Variants in MAGI2 observed in about 807,000 individuals in gnomAD.
The protein encoded by MAGI2 is membrane associated guanylate kinase, WW and PDZ domain containing 2, also known as membrane-associated guanylate kinase, WW and PDZ domain-containing protein 2.
MAGI2 carries 35 observed loss-of-function variants against 133.3 expected under a neutral mutation model. The observed-to-expected ratio is 0.26, with a 90% CI of 0.20 to 0.35. The LOEUF (loss-of-function observed/expected upper bound fraction) is 0.35. Among genes scored for constraint, MAGI2 ranks in the 10% least tolerant of loss-of-function variants. The pLI is 1.00. For synonymous variants in MAGI2, 729 were observed against 710.6 expected (o/e 1.03, Z -0.41); for missense variants, 1,636 against 1,863.4 (o/e 0.88, Z 2.25).
chr7:78,287,577 CTG>C (rs1263396496), intron 9 of MAGI2, among the ~76,000 whole-genome samples: 6 of 152,068 alleles, frequency 3.9e-5, no homozygotes, highest in Non-Finnish European at 8.8e-5. Context: ...TTTCAAAAAT[CTG>C]TATTCTTGAG....
chr7:78,842,696 C>T (rs1792248134), intron 2 of MAGI2, among the ~76,000 whole-genome samples: 1 of 151,450 alleles, frequency 6.6e-6, no homozygotes, highest in South Asian at 2.1e-4. Context: ...AGAAAAAAAT[C>T]CTATATGCTT....
rs1808135280 is a variant in MAGI2 at position 78,019,744 on chromosome 7, C to G, written c.3939G>C (p.Gln1313His). 3 of 1,611,362 alleles carry G rather than the reference C, an allele frequency of 1.9e-6. No individual in the cohort carries two copies. The stretch of plus-strand genomic sequence containing the variant: ...TCTGCGGACTCGCCGAGCGCTCCCT[C>G]TGCTCCCCGAGGCGCTGCTTCTTCT... Reference protein sequence around the residue: ...CGQKKQRLGEQRERSASPQRA... With the variant: ...CGQKKQRLGEHRERSASPQRA... The change falls in exon 22 of 22, where the codon CAG (glutamine) becomes CAC (histidine). Residue 1313 changes from glutamine to histidine, a missense_variant. Gln to His is a conservative substitution (Grantham distance 24). Around this residue, in one of 5 missense-constraint regions of MAGI2, gnomAD observed 354 missense variants for 298.7 expected, o/e 1.19. Transcript: ENST00000354212.
chr7:79,067,670 C>G (rs1386410137), intron 1 of MAGI2, among the ~76,000 whole-genome samples: 1 of 152,162 alleles, frequency 6.6e-6, no homozygotes, highest in Non-Finnish European at 1.5e-5. Context: ...AGAAGGCATC[C>G]TTGTCTTGTA....
intron 1 of MAGI2, among the ~76,000 whole-genome samples, chr7:79,093,372 G>A (rs1817232649): frequency 6.6e-6 from 1 of 152,024 alleles, no homozygotes; most frequent in Admixed American, 6.6e-5. Flanking sequence ...AGATATTGTG[G>A]GTTCAGATCC....
chr7:78,830,657 C>T (rs1791063706), intron 2 of MAGI2, among the ~76,000 whole-genome samples: 1 of 152,046 alleles, frequency 6.6e-6, no homozygotes, highest in South Asian at 2.1e-4. Flanking sequence ...CAAATAAACA[C>T]ATTACAATGA....
chr7:79,211,414 A>G (rs1829483983), intron 1 of MAGI2, among the ~76,000 whole-genome samples: 1 of 151,516 alleles, frequency 6.6e-6, no homozygotes. Context: ...CGTAGCTGAG[A>G]CTACAGTGCA....
chr7:78,436,538 C>G (rs966933895), intron 6 of MAGI2, among the ~76,000 whole-genome samples: 3 of 152,144 alleles, frequency 2.0e-5, no homozygotes, highest in African/African-American at 7.2e-5. Flanking sequence ...ATGCTCATTG[C>G]TAAGAACAAA....
At chr7:79,136,138 G>A (rs572307383) in intron 1 of MAGI2, among the ~76,000 whole-genome samples, 2 of 148,918 alleles carry the variant, frequency 1.3e-5, no homozygotes, top group East Asian at 4.0e-4. Context: ...AGACACAAAA[G>A]GCACTGTATA....
chr7:79,255,924 T>C (rs895271699), intron 1 of MAGI2, among the ~76,000 whole-genome samples: 1 of 152,198 alleles, frequency 6.6e-6, no homozygotes, highest in Admixed American at 6.5e-5. Flanking sequence ...CACATGATAT[T>C]AATGAAAGAA....
intron 1 of MAGI2, among the ~76,000 whole-genome samples, chr7:79,239,245 G>T: frequency 6.6e-6 from 1 of 152,116 alleles, no homozygotes; most frequent in Admixed American, 6.6e-5. Flanking sequence ...AGTATAAGCA[G>T]AAAAGTGGCT....
At chr7:79,032,245 G>C (rs184010729) in intron 1 of MAGI2, among the ~76,000 whole-genome samples, 31 of 152,202 alleles carry the variant, frequency 2.0e-4, no homozygotes, top group African/African-American at 7.5e-4. Context: ...GGCCAGGCAC[G>C]GTGGTTCACG....
intron 4 of MAGI2, among the ~76,000 whole-genome samples, chr7:78,520,714 A>C (rs1796422527): frequency 6.6e-6 from 1 of 152,162 alleles, no homozygotes. Context: ...CTATTAAGTA[A>C]TAAGAAAAAT....
chr7:78,162,226 C>T (rs1825095610), intron 15 of MAGI2, among the ~76,000 whole-genome samples: 1 of 152,028 alleles, frequency 6.6e-6, no homozygotes, highest in Admixed American at 6.6e-5. Context: ...CTGTGATTGT[C>T]AGTAAGTCAG....
At chr7:79,269,422 G>T (rs906559348) in intron 1 of MAGI2, among the ~76,000 whole-genome samples, 2 of 152,062 alleles carry the variant, frequency 1.3e-5, no homozygotes, top group African/African-American at 2.4e-5. Flanking sequence ...TGTCTCTTCT[G>T]CCAGGCTAAG....
At chr7:78,177,736 A>G (rs974027127) in intron 14 of MAGI2, among the ~76,000 whole-genome samples, 4 of 152,208 alleles carry the variant, frequency 2.6e-5, no homozygotes, top group Non-Finnish European at 5.9e-5. Flanking sequence ...GTGCAATTAG[A>G]TAACGAAAAT....
intron 6 of MAGI2, among the ~76,000 whole-genome samples, chr7:78,399,250 GCA>G (rs1016712119): frequency 6.6e-6 from 1 of 151,898 alleles, no homozygotes; most frequent in East Asian, 1.9e-4. Context: ...GCGGGTGTGT[GCA>G]CACACACACA....
At chr7:78,713,511 AATTC>A (rs1019655783) in intron 2 of MAGI2, among the ~76,000 whole-genome samples, 2 of 152,196 alleles carry the variant, frequency 1.3e-5, no homozygotes, top group Non-Finnish European at 2.9e-5. Flanking sequence ...TATATCAAGG[AATTC>A]ATTGACAGAC....
At position 79,171,500 on chromosome 7, in the gene MAGI2, C is replaced by T. The variant is rs982187011; in HGVS notation, c.302-164294G>A. ...TTTGGGAGGATGACATAATTTGATT[C>T]CTAAGAAAAGATAATTGCCCATTTT... On this transcript the variant is annotated intron_variant, in intron 1 of 21. Transcript: ENST00000354212. Among the ~76,000 whole-genome samples the T allele has an allele frequency of 2.0e-5, 3 of 151,236 alleles. No homozygotes were observed. In the South Asian group the frequency reaches 6.2e-4, roughly 31 times the overall value.
At position 79,105,540 on chromosome 7, in the gene MAGI2, T is replaced by G. The variant is rs866672429; in HGVS notation, c.302-98334A>C. 1.8e-4 allele frequency among the ~76,000 whole-genome samples: 28 copies of G among 152,308 alleles called. No individual in the cohort carries two copies. In the Middle Eastern group the frequency reaches 0.01, roughly 56 times the overall value. On this transcript the variant is annotated intron_variant, in intron 1 of 21. Transcript: ENST00000354212. ...TGTGGCTTATCCACTCTGCTGAGTA[T>G]CTATAGAAGCACAAAATTTAAACTG...
Sources: gnomAD v4.1 joint callset for allele counts (sites outside exome capture counted in the v4.1 genomes callset) on GRCh38, gnomAD v4.1.1 for gene constraint, gnomAD v4.1.1 regional missense constraint, MANE v1.5 for transcripts, NCBI Gene and HGNC (gene_info 2026-07-23, HGNC 2026-07-21) for gene names.